Variants in KCNJ3 observed in about 807,000 individuals in gnomAD.
KCNJ3 encodes the protein G protein-activated inward rectifier potassium channel 1.
Under a neutral mutation model 39.2 loss-of-function variants are expected in KCNJ3, and 4 were observed. The ratio of observed to expected loss-of-function variants is 0.10; its 90% confidence interval spans 0.05 to 0.23. The LOEUF (loss-of-function observed/expected upper bound fraction) is 0.23, where lower values mean the gene tolerates loss of function less well. Ranked by LOEUF, KCNJ3 falls within the 10% of genes least tolerant of loss-of-function variation. The pLI, the probability that KCNJ3 is intolerant of heterozygous loss-of-function variation, is 1.00. For synonymous variants in KCNJ3, 230 were observed against 237.4 expected (o/e 0.97, Z 0.29); for missense variants, 276 against 634.9 (o/e 0.43, Z 6.08).
chr2:154,726,221 A>G (rs1277261792), intron 2 of KCNJ3, among the ~76,000 whole-genome samples: 2 of 152,174 alleles, frequency 1.3e-5, no homozygotes, highest in African/African-American at 4.8e-5. Flanking sequence ...GCATATGACA[A>G]AGGACTAATA....
intron 2 of KCNJ3, among the ~76,000 whole-genome samples, chr2:154,843,906 G>GAAGT (rs1179462889): frequency 1.2e-4 from 18 of 152,180 alleles, no homozygotes; most frequent in Admixed American, 1.1e-3. Flanking sequence ...TTAGCTCAGA[G>GAAGT]AAGTTTGTTA....
At chr2:154,753,384 CCTTT>C (rs1178518120) in intron 2 of KCNJ3, among the ~76,000 whole-genome samples, 5 of 151,942 alleles carry the variant, frequency 3.3e-5, no homozygotes, top group Non-Finnish European at 7.4e-5. Context: ...GTCTGTATTT[CCTTT>C]GTTATTTCTT....
intron 2 of KCNJ3, among the ~76,000 whole-genome samples, chr2:154,845,709 G>A (rs549045490): frequency 7.0e-4 from 107 of 152,142 alleles, no homozygotes; most frequent in African/African-American, 2.2e-3. Context: ...AGTGGCTCAC[G>A]CCTGTAATCC....
chr2:154,800,306 G>C (rs1686790513), intron 2 of KCNJ3, among the ~76,000 whole-genome samples: 1 of 152,166 alleles, frequency 6.6e-6, no homozygotes, highest in Non-Finnish European at 1.5e-5. Context: ...GAAGTCAAGT[G>C]TTCCGTTTCT....
In KCNJ3 at chr2:154,759,319, A is replaced by AT. The variant is rs1243257019; in HGVS notation, c.919+49506dup. The stretch of plus-strand genomic sequence containing the variant: ...AAGGACTCTCCAATGCACCAGAAGG[A>AT]TTTTTTGATATTGATAATGGTTTTA... On this transcript the variant is annotated intron_variant, in intron 2 of 2. Coordinates refer to ENST00000295101, the MANE Select transcript of KCNJ3 (RefSeq NM_002239.4). Among the ~76,000 whole-genome samples the AT allele has an allele frequency of 3.3e-5, 5 of 149,766 alleles. No individual in the cohort carries two copies. The East Asian group carries it at 9.7e-4, about 29-fold the overall frequency.
chr2:154,830,176 G>GTGTT (rs778362836), intron 2 of KCNJ3, among the ~76,000 whole-genome samples: 14 of 152,154 alleles, frequency 9.2e-5, no homozygotes, highest in Non-Finnish European at 1.6e-4. Flanking sequence ...ATATAAGCTA[G>GTGTT]TGTTTTAAAT....
intron 2 of KCNJ3, among the ~76,000 whole-genome samples, chr2:154,817,258 A>G (rs1408949893): frequency 1.3e-5 from 2 of 152,160 alleles, no homozygotes; most frequent in Non-Finnish European, 2.9e-5. Flanking sequence ...ATTTCATCAC[A>G]GTGTTGGATA....
chr2:154,701,592 A>G (rs1271676517), intron 1 of KCNJ3, among the ~76,000 whole-genome samples: 1 of 152,106 alleles, frequency 6.6e-6, no homozygotes, highest in Non-Finnish European at 1.5e-5. Context: ...TATACCATAA[A>G]GAGTATCCTA....
rs1574488582 is a variant in KCNJ3 at position 154,856,038 on chromosome 2, C to A, written c.*725C>A. ...CAAGTTTGTGCTATCTATGGCCCTG[C>A]AAAAATATAACCATTACATGTTTAA... On this transcript the variant is annotated 3_prime_UTR_variant, in exon 3 of 3. Transcript: ENST00000295101. 6.6e-6 allele frequency: 1 copy of A among 152,368 alleles called. No individual in the cohort carries two copies. Among genetic ancestry groups the A allele is most frequent in the Admixed American group, 6.6e-5 (1 of 15,232 alleles). The allele number at this position is 152,368 out of a possible 1,614,324, so 9.4% of individuals were successfully genotyped here. A position where few individuals can be genotyped will look rare whatever the true frequency, so the allele number is the denominator to read the frequency against.
intron 2 of KCNJ3, among the ~76,000 whole-genome samples, chr2:154,724,601 A>C (rs1021243507): frequency 6.6e-6 from 1 of 151,792 alleles, no homozygotes; most frequent in Non-Finnish European, 1.5e-5. Flanking sequence ...CTTTCCCTAC[A>C]TATTTCAATT....
chr2:154,822,596 C>T (rs1687203045), intron 2 of KCNJ3, among the ~76,000 whole-genome samples: 1 of 152,102 alleles, frequency 6.6e-6, no homozygotes, highest in Non-Finnish European at 1.5e-5. Context: ...GAGCATTTTG[C>T]TGTGCTAATG....
At chr2:154,816,811 C>G (rs1259163396) in intron 2 of KCNJ3, among the ~76,000 whole-genome samples, 1 of 152,156 alleles carries the variant, frequency 6.6e-6, no homozygotes, top group Non-Finnish European at 1.5e-5. Flanking sequence ...TCTGTACACA[C>G]ATTCTAAAAT....
intron 2 of KCNJ3, among the ~76,000 whole-genome samples, chr2:154,830,922 C>CCAT (rs1687351936): frequency 6.6e-6 from 1 of 152,102 alleles, no homozygotes; most frequent in Admixed American, 6.6e-5. Context: ...CAGAGTATGT[C>CCAT]CATCTTCATC....
Position 154,855,187 on chromosome 2 carries a change from T to C in KCNJ3, c.1380T>C (p.Ser460=). The change falls in exon 3 of 3, where the codon TCT becomes TCC. Residue 460 remains serine, a synonymous_variant. Coordinates refer to ENST00000295101, the MANE Select transcript of KCNJ3 (RefSeq NM_002239.4). The part of the protein sequence containing the change: ...KLVSKTTKML[S]DPMSQSVADL... The stretch of plus-strand genomic sequence containing the variant: ...TATCTAAAACCACCAAGATGTTATC[T>C]GATCCCATGAGCCAGTCTGTGGCTG... 1 of 1,613,892 alleles carries C rather than the reference T, an allele frequency of 6.2e-7. No homozygotes were observed. Among genetic ancestry groups the C allele is most frequent in the Non-Finnish European group, 8.5e-7 (1 of 1,179,928 alleles).
chr2:154,851,066 G>T (rs1188011457), intron 2 of KCNJ3, among the ~76,000 whole-genome samples: 1 of 151,826 alleles, frequency 6.6e-6, no homozygotes, highest in African/African-American at 2.4e-5. Flanking sequence ...CCTTTTGTGA[G>T]ACCCCATCTC....
At chr2:154,745,792 T>G (rs1000738881) in intron 2 of KCNJ3, among the ~76,000 whole-genome samples, 2 of 152,174 alleles carry the variant, frequency 1.3e-5, no homozygotes, top group South Asian at 4.1e-4. Context: ...CTAAATTTTC[T>G]GGTTTAGCTG....
chr2:154,755,471 T>A (rs887929770), intron 2 of KCNJ3, among the ~76,000 whole-genome samples: 1 of 151,578 alleles, frequency 6.6e-6, no homozygotes, highest in South Asian at 2.1e-4. Context: ...GCAAACATTA[T>A]TCTGCCTAAG....
chr2:154,787,227 GA>G (rs1371569229), intron 2 of KCNJ3, among the ~76,000 whole-genome samples: 1 of 152,034 alleles, frequency 6.6e-6, no homozygotes, highest in East Asian at 1.9e-4. Context: ...TAGTATTATT[GA>G]CATAACTTTG....
At chr2:154,704,080 T>C (rs1316676904) in intron 1 of KCNJ3, among the ~76,000 whole-genome samples, 1 of 152,224 alleles carries the variant, frequency 6.6e-6, no homozygotes, top group East Asian at 1.9e-4. Flanking sequence ...ACTAATTCTC[T>C]AATAAGTATA....
Sources: allele counts gnomAD v4.1 joint callset (sites outside exome capture counted in the v4.1 genomes callset), GRCh38; gene constraint gnomAD v4.1.1; transcripts MANE v1.5; gene names NCBI Gene and HGNC (gene_info 2026-07-23, HGNC 2026-07-21).